The following EPHA5 variants were observed in gnomAD, a reference collection of about 807,000 sequenced individuals.
EPHA5 encodes ephrin type-A receptor 5.
EPHA5 carries 60 observed loss-of-function variants against 105.0 expected under a neutral mutation model. The observed-to-expected ratio is 0.57, with a 90% CI of 0.46 to 0.71. EPHA5 has a LOEUF of 0.71. Among genes scored for constraint, EPHA5 ranks in the 30% least tolerant of loss-of-function variants. The probability of loss-of-function intolerance (pLI) is 0.00; values close to 1 mark genes in which losing one functional copy is unlikely to be tolerated. For synonymous variants in EPHA5, 513 were observed against 449.1 expected, an observed-to-expected ratio of 1.14 and a Z score of -1.80; for missense variants, 1,218 against 1,274.7, an observed-to-expected ratio of 0.96 and a Z score of 0.68.
intron 5 of EPHA5, among the ~76,000 whole-genome samples, chr4:65,488,477 T>C (rs1346009994): frequency 6.6e-6 from 1 of 152,192 alleles, no homozygotes. Context: ...TTTTCTAACA[T>C]GGGAAGAGAG....
chr4:65,465,507 G>A (rs1363167254), intron 5 of EPHA5, among the ~76,000 whole-genome samples: 5 of 98,504 alleles, frequency 5.1e-5, no homozygotes, highest in African/African-American at 1.9e-4. Context: ...AAGAAAGAAA[G>A]AAAGAAAGAA....
At chr4:65,574,679 C>CATATATATATACAT (rs10672968) in intron 3 of EPHA5, among the ~76,000 whole-genome samples, 1 of 61,092 alleles carries the variant, frequency 1.6e-5, no homozygotes, top group Non-Finnish European at 3.2e-5. Context: ...CATATATATA[C>CATATATATATACAT]ATATATATAC....
At chr4:65,610,196 A>G (rs4272063) in intron 2 of EPHA5, among the ~76,000 whole-genome samples, 137,718 of 152,140 alleles carry the variant, frequency 0.91, 62,405 homozygotes, top group Admixed American at 0.92. Context: ...CTAATACACA[A>G]CCATTAAAAA....
At chr4:65,499,255 A>T (rs2149236797) in intron 3 of EPHA5, among the ~76,000 whole-genome samples, 1 of 151,830 alleles carries the variant, frequency 6.6e-6, no homozygotes, top group South Asian at 2.1e-4. Flanking sequence ...AATAAAATGT[A>T]TCCTTCTTCA....
chr4:65,595,320 C>T (rs546474478), intron 3 of EPHA5, among the ~76,000 whole-genome samples: 1 of 152,030 alleles, frequency 6.6e-6, no homozygotes, highest in Non-Finnish European at 1.5e-5. Context: ...GGATAGAGTG[C>T]CTACTACAAT....
intron 16 of EPHA5, among the ~76,000 whole-genome samples, chr4:65,326,014 C>CAT (rs35999982): frequency 0.068 from 9,845 of 144,036 alleles, 402 homozygotes; most frequent in Admixed American, 0.13. Context: ...ATATATATCT[C>CAT]ATATATATAT....
intron 3 of EPHA5, among the ~76,000 whole-genome samples, chr4:65,553,842 C>T (rs1468500414): frequency 2.0e-5 from 3 of 151,886 alleles, no homozygotes; most frequent in Non-Finnish European, 1.5e-5. Context: ...TATTTTTCCA[C>T]AAAATGAAAG....
intron 6 of EPHA5, among the ~76,000 whole-genome samples, chr4:65,418,289 A>G (rs980487549): frequency 1.3e-4 from 20 of 152,196 alleles, no homozygotes; most frequent in African/African-American, 4.3e-4. Flanking sequence ...AATAAGAAAT[A>G]TAAACCTTAA....
At chr4:65,658,240 C>A (rs1450623739) in intron 1 of EPHA5, among the ~76,000 whole-genome samples, 2 of 152,004 alleles carry the variant, frequency 1.3e-5, no homozygotes, top group Admixed American at 1.3e-4. Flanking sequence ...GATCCTATTG[C>A]ACTAAGAGCA....
chr4:65,602,576 C>G (rs980671631), intron 2 of EPHA5, among the ~76,000 whole-genome samples: 13 of 152,044 alleles, frequency 8.6e-5, no homozygotes, highest in African/African-American at 2.9e-4. Context: ...TGCCCCAGGG[C>G]AGGAAGGAAC....
chr4:65,331,953 T>G lies in EPHA5; in HGVS notation c.2945+20A>C, dbSNP rs781451409. 1 of 1,573,696 alleles carries G rather than the reference T, an allele frequency of 6.4e-7. No homozygotes were observed. The highest frequency in any genetic ancestry group is 1.2e-5 in the South Asian group (1 of 86,898). Reference sequence around the variant, plus strand: ...TCTTGCCCCAGCAATTATGTAAAAATTATCAGAAAAATTACTCACTCCAAG... The same window carrying G: ...TCTTGCCCCAGCAATTATGTAAAAAGTATCAGAAAAATTACTCACTCCAAG... On this transcript the variant is annotated intron_variant, in intron 16 of 16. Coordinates refer to ENST00000613740, the MANE Select transcript of EPHA5 (RefSeq NM_001281766.3).
At chr4:65,360,457 A>G (rs1378475305) in intron 11 of EPHA5, among the ~76,000 whole-genome samples, 2 of 151,750 alleles carry the variant, frequency 1.3e-5, no homozygotes, top group African/African-American at 4.8e-5. Context: ...GAGCTGTTTT[A>G]AAATCTGACA....
chr4:65,529,751 A>G (rs1254200332), intron 3 of EPHA5, among the ~76,000 whole-genome samples: 1 of 152,132 alleles, frequency 6.6e-6, no homozygotes, highest in East Asian at 1.9e-4. Context: ...TTGCTCTATT[A>G]CTATATATCT....
chr4:65,412,823 T>C (rs545477686), intron 7 of EPHA5, among the ~76,000 whole-genome samples: 3 of 152,256 alleles, frequency 2.0e-5, no homozygotes, highest in African/African-American at 4.8e-5. Context: ...TGATAGAATA[T>C]TGAAAAGCCT....
intron 2 of EPHA5, among the ~76,000 whole-genome samples, chr4:65,616,697 T>C (rs1025420447): frequency 6.6e-6 from 1 of 152,024 alleles, no homozygotes; most frequent in African/African-American, 2.4e-5. Context: ...TGAAGCCTCT[T>C]TGATATTCTT....
intron 3 of EPHA5, among the ~76,000 whole-genome samples, chr4:65,502,112 T>C (rs539930242): frequency 2.0e-4 from 31 of 151,856 alleles, no homozygotes; most frequent in Admixed American, 1.4e-3. Flanking sequence ...CAAGATGAAC[T>C]AAAGACTTAA....
At chr4:65,615,012 T>A (rs1163448830) in intron 2 of EPHA5, among the ~76,000 whole-genome samples, 1 of 151,920 alleles carries the variant, frequency 6.6e-6, no homozygotes, top group Non-Finnish European at 1.5e-5. Flanking sequence ...AAGAAAAATG[T>A]AAAATTTATA....
At position 65,562,630 on chromosome 4, in the gene EPHA5, C is replaced by T. The variant is rs185209229; in HGVS notation, c.910+39011G>A. 9.2e-5 allele frequency among the ~76,000 whole-genome samples: 14 copies of T among 152,102 alleles called. No homozygotes were observed. In the East Asian group the frequency reaches 1.2e-3, roughly 13 times the overall value. ...TTATGCAAGGGGGTCACAGAGAAGA[C>T]GCATACCAAGACATTCTTGACATTC... On this transcript the variant is annotated intron_variant, in intron 3 of 16. Coordinates refer to ENST00000613740, the MANE Select transcript of EPHA5 (RefSeq NM_001281766.3).
chr4:65,517,389 T>G (rs1355892675), intron 3 of EPHA5, among the ~76,000 whole-genome samples: 3 of 151,888 alleles, frequency 2.0e-5, no homozygotes, highest in African/African-American at 4.8e-5. Context: ...ATAAACAGAA[T>G]AGTAATAATT....
Sources: allele counts gnomAD v4.1 joint callset (sites outside exome capture counted in the v4.1 genomes callset), GRCh38; gene constraint gnomAD v4.1.1; transcripts MANE v1.5; gene names NCBI Gene and HGNC (gene_info 2026-07-23, HGNC 2026-07-21).